Variants in CDKAL1 observed in about 807,000 individuals in gnomAD.
CDKAL1 encodes the protein CDKAL1 threonylcarbamoyladenosine tRNA methylthiotransferase.
Under a neutral mutation model 68.2 loss-of-function variants are expected in CDKAL1, and 32 were observed. The ratio of observed to expected loss-of-function variants is 0.47; its 90% confidence interval spans 0.35 to 0.63. The LOEUF (loss-of-function observed/expected upper bound fraction) is 0.63, where lower values mean the gene tolerates loss of function less well. Ranked by LOEUF, CDKAL1 falls within the 30% of genes least tolerant of loss-of-function variation. The pLI is 0.00. For missense variants in CDKAL1, 606 were observed against 696.7 expected (o/e 0.87, Z 1.47); for synonymous variants, 234 against 244.3 (o/e 0.96, Z 0.39).
At chr6:20,640,812 G>A (rs1341168867) in intron 4 of CDKAL1, among the ~76,000 whole-genome samples, 1 of 152,082 alleles carries the variant, frequency 6.6e-6, no homozygotes, top group African/African-American at 2.4e-5. Flanking sequence ...GTGATTCTAG[G>A]CAAGTTACTT....
chr6:20,853,541 T>C (rs1043442078), intron 9 of CDKAL1, among the ~76,000 whole-genome samples: 1 of 152,194 alleles, frequency 6.6e-6, no homozygotes, highest in Admixed American at 6.5e-5. Context: ...TTAATACATA[T>C]TGTCAATCCA....
At chr6:21,065,537 A>C (rs1332118951) in intron 12 of CDKAL1, among the ~76,000 whole-genome samples, 2 of 152,080 alleles carry the variant, frequency 1.3e-5, no homozygotes, top group Non-Finnish European at 2.9e-5. Context: ...AAAATAAGGC[A>C]ATATTTAAAT....
At chr6:20,562,563 A>C (rs1764308323) in intron 4 of CDKAL1, among the ~76,000 whole-genome samples, 1 of 151,934 alleles carries the variant, frequency 6.6e-6, no homozygotes, top group South Asian at 2.1e-4. Flanking sequence ...ACATGGTGAA[A>C]CCTCGTCCCT....
intron 9 of CDKAL1, among the ~76,000 whole-genome samples, chr6:20,893,215 G>C (rs1396223841): frequency 6.6e-6 from 1 of 152,180 alleles, no homozygotes; most frequent in East Asian, 1.9e-4. Context: ...ATTCTTTGGG[G>C]TTTTGACTGG....
chr6:20,871,016 C>T lies in CDKAL1; in HGVS notation c.742+24838C>T, dbSNP rs200295376. Among the ~76,000 whole-genome samples, 4 of 152,116 alleles carry T rather than the reference C, an allele frequency of 2.6e-5. No homozygotes were observed. The East Asian group carries it at 5.8e-4, about 22-fold the overall frequency. Reference sequence around the variant, plus strand: ...TAAGTTGTTATATTTACTAATACTGCGCATTCCTCAAGGGCAAGGGTGGCC... The same window carrying T: ...TAAGTTGTTATATTTACTAATACTGTGCATTCCTCAAGGGCAAGGGTGGCC... On this transcript the variant is annotated intron_variant, in intron 9 of 15. Coordinates refer to ENST00000274695, the MANE Select transcript of CDKAL1 (RefSeq NM_017774.3).
intron 5 of CDKAL1, among the ~76,000 whole-genome samples, chr6:20,698,205 C>G (rs1342886374): frequency 6.6e-6 from 1 of 152,120 alleles, no homozygotes; most frequent in Non-Finnish European, 1.5e-5. Context: ...AATGAACATT[C>G]AAAATCCCCA....
At chr6:20,927,116 ACAGTGTAATCCAT>A (rs1046345033) in intron 9 of CDKAL1, among the ~76,000 whole-genome samples, 1 of 152,120 alleles carries the variant, frequency 6.6e-6, no homozygotes, top group African/African-American at 2.4e-5. Context: ...TATTATGCAT[ACAGTGTAATCCAT>A]CAGCCAACTT....
At chr6:20,668,253 A>G (rs1357747135) in intron 5 of CDKAL1, among the ~76,000 whole-genome samples, 4 of 152,182 alleles carry the variant, frequency 2.6e-5, no homozygotes, top group Non-Finnish European at 4.4e-5. Context: ...TTTATTAACC[A>G]GTCACCTCTC....
intron 15 of CDKAL1, among the ~76,000 whole-genome samples, chr6:21,214,451 G>A (rs565302182): frequency 3.0e-4 from 46 of 151,934 alleles, no homozygotes; most frequent in Non-Finnish European, 8.8e-5. Flanking sequence ...CTCTCCCCTC[G>A]AGAACACTGG....
At chr6:20,903,537 A>G (rs1002493996) in intron 9 of CDKAL1, among the ~76,000 whole-genome samples, 9 of 152,170 alleles carry the variant, frequency 5.9e-5, no homozygotes, top group Non-Finnish European at 1.2e-4. Flanking sequence ...TTCTGCTCCT[A>G]TATGCTTTAG....
chr6:20,812,586 T>C (rs753182759), intron 8 of CDKAL1, among the ~76,000 whole-genome samples: 2 of 152,222 alleles, frequency 1.3e-5, no homozygotes, highest in Non-Finnish European at 2.9e-5. Context: ...TCTGTCAGTA[T>C]AGATTAGCTT....
intron 13 of CDKAL1, among the ~76,000 whole-genome samples, chr6:21,190,856 A>G (rs569258770): frequency 1.3e-5 from 2 of 152,354 alleles, no homozygotes; most frequent in South Asian, 2.1e-4. Flanking sequence ...AAATAGTAAT[A>G]TTGAAATCTT....
chr6:20,910,748 A>G (rs1176324208), intron 9 of CDKAL1, among the ~76,000 whole-genome samples: 1 of 152,244 alleles, frequency 6.6e-6, no homozygotes, highest in Non-Finnish European at 1.5e-5. Context: ...ACAGGAGCAC[A>G]AGTTAAAAAT....
intron 13 of CDKAL1, among the ~76,000 whole-genome samples, chr6:21,135,038 G>C (rs1775521498): frequency 6.6e-6 from 1 of 152,062 alleles, no homozygotes; most frequent in Non-Finnish European, 1.5e-5. Context: ...TACGTAAATA[G>C]TCTATGACCA....
At chr6:20,828,782 A>G (rs9368243) in intron 8 of CDKAL1, among the ~76,000 whole-genome samples, 43,382 of 152,018 alleles carry the variant, frequency 0.29, 7,409 homozygotes, top group East Asian at 0.37. Context: ...TTGTACAAAC[A>G]TCACCACTAT....
chr6:21,174,660 G>T lies in CDKAL1; in HGVS notation c.1300-23361G>T, dbSNP rs530350532. Among the ~76,000 whole-genome samples the T allele has an allele frequency of 3.9e-5, 6 of 152,118 alleles. No homozygotes were observed. The South Asian group carries it at 1.2e-3, about 32-fold the overall frequency. On this transcript the variant is annotated intron_variant, in intron 13 of 15. Coordinates refer to ENST00000274695, the MANE Select transcript of CDKAL1 (RefSeq NM_017774.3). ...ACCCTCATAAACTATGTGGAGAGAG[G>T]CTGTGGTCACAGTGCTAAATGATGC...
intron 8 of CDKAL1, among the ~76,000 whole-genome samples, chr6:20,830,077 A>C (rs578245339): frequency 8.5e-5 from 13 of 152,198 alleles, no homozygotes; most frequent in African/African-American, 2.2e-4. Flanking sequence ...GCTGGTCTTG[A>C]ACTCCTGGCC....
At chr6:20,601,660 A>T (rs563857612) in intron 4 of CDKAL1, among the ~76,000 whole-genome samples, 1 of 152,294 alleles carries the variant, frequency 6.6e-6, no homozygotes, top group African/African-American at 2.4e-5. Flanking sequence ...AATTACACAG[A>T]ACTTTAAAAA....
chr6:20,596,605 G>T (rs1392087649), intron 4 of CDKAL1, among the ~76,000 whole-genome samples: 1 of 152,186 alleles, frequency 6.6e-6, no homozygotes, highest in Non-Finnish European at 1.5e-5. Flanking sequence ...GGGCTCTGTG[G>T]GAGTGGGATC....
Sources: gnomAD v4.1 joint callset for allele counts (sites outside exome capture counted in the v4.1 genomes callset) on GRCh38, gnomAD v4.1.1 for gene constraint, MANE v1.5 for transcripts, NCBI Gene and HGNC (gene_info 2026-07-23, HGNC 2026-07-21) for gene names.